Variants in ABCC1 observed in about 807,000 individuals in gnomAD.
ABCC1 encodes ATP binding cassette subfamily C member 1 (ABCC1 blood group), also known as multidrug resistance-associated protein 1.
ABCC1 carries 83 observed loss-of-function variants against 172.9 expected under a neutral mutation model. The observed-to-expected ratio is 0.48, with a 90% CI of 0.40 to 0.58. ABCC1 has a LOEUF of 0.58. Ranked by LOEUF, ABCC1 falls within the 20% of genes least tolerant of loss-of-function variation. The pLI, the probability that ABCC1 is intolerant of heterozygous loss-of-function variation, is 0.00. For missense variants in ABCC1, 1,817 were observed against 2,002.7 expected, an observed-to-expected ratio of 0.91 and a Z score of 1.77; for synonymous variants, 937 against 825.2, an observed-to-expected ratio of 1.14 and a Z score of -2.32.
intron 1 of ABCC1, among the ~76,000 whole-genome samples, chr16:15,975,181 G>A (rs746115331): frequency 2.0e-5 from 3 of 152,270 alleles, no homozygotes; most frequent in Admixed American, 6.5e-5. Context: ...AAAAATCCTC[G>A]CCCAAGAATG....
At chr16:16,076,169 C>T in intron 14 of ABCC1, 157 bp from the exon 15 acceptor site, 1 of 693,772 alleles carries the variant, frequency 1.4e-6, no homozygotes, top group South Asian at 1.9e-5. Flanking sequence ...TGAGTTTCTT[C>T]TTTCAGAACC....
chr16:16,079,603 T>A, intron 16 of ABCC1, 125 bp downstream of exon 16: 1 of 1,215,806 alleles, frequency 8.2e-7, no homozygotes, highest in Non-Finnish European at 1.1e-6. Flanking sequence ...TCTCTTTTCC[T>A]CCTCCTCCTG....
chr16:16,129,529 G>T (rs1015428223), intron 26 of ABCC1, among the ~76,000 whole-genome samples: 32 of 144,932 alleles, frequency 2.2e-4, no homozygotes, highest in African/African-American at 6.4e-4. Flanking sequence ...TGGTGGTGGG[G>T]TTTTTTTTTG....
intron 18 of ABCC1, among the ~76,000 whole-genome samples, chr16:16,087,978 T>C (rs902527277): frequency 6.6e-6 from 1 of 152,182 alleles, no homozygotes; most frequent in Non-Finnish European, 1.5e-5. Context: ...TTGTAATCGT[T>C]CCCATACATA....
At chr16:16,013,106 C>T (rs1006728101) in intron 3 of ABCC1, among the ~76,000 whole-genome samples, 6 of 152,118 alleles carry the variant, frequency 3.9e-5, no homozygotes, top group Non-Finnish European at 8.8e-5. Context: ...AAGAGGTGAA[C>T]TGGCCTGTGA....
intron 23 of ABCC1, among the ~76,000 whole-genome samples, chr16:16,115,777 T>C (rs949699849): frequency 2.6e-5 from 4 of 152,178 alleles, no homozygotes; most frequent in Non-Finnish European, 5.9e-5. Context: ...TAATAGAAAT[T>C]TAGAGGTAGG....
At chr16:16,051,124 A>C (rs1441353919) in intron 10 of ABCC1, among the ~76,000 whole-genome samples, 1 of 151,202 alleles carries the variant, frequency 6.6e-6, no homozygotes, top group Admixed American at 6.6e-5. Flanking sequence ...GGGGCCAGAC[A>C]GTTCTTTGTT....
At position 16,142,743 on chromosome 16, in the gene ABCC1, CTG is replaced by C. The variant is rs2046172182; in HGVS notation, c.*1466_*1467del. 6.6e-6 allele frequency: 1 copy of C among 152,192 alleles called. No individual in the cohort carries two copies. Among genetic ancestry groups the C allele is most frequent in the African/African-American group, 2.4e-5 (1 of 41,422 alleles). 9.4% of individuals were successfully genotyped at this position (152,192 alleles called of 1,614,324 possible). On this transcript the variant is annotated 3_prime_UTR_variant, in exon 31 of 31. Coordinates refer to ENST00000399410, the MANE Select transcript of ABCC1 (RefSeq NM_004996.4). The stretch of plus-strand genomic sequence containing the variant: ...CCTGTGTTTGAAACCGTGTTGGTCT[CTG>C]TGTTCCTGGAAGAAAACAGGGAAGC...
chr16:15,968,260 C>T (rs1191098342), intron 1 of ABCC1, among the ~76,000 whole-genome samples: 2 of 151,706 alleles, frequency 1.3e-5, no homozygotes, highest in Non-Finnish European at 1.5e-5. Context: ...TCTCGAATTC[C>T]TGACCTCAGG....
chr16:16,012,415 G>A (rs1400995925), intron 3 of ABCC1, among the ~76,000 whole-genome samples: 1 of 152,082 alleles, frequency 6.6e-6, no homozygotes, highest in Non-Finnish European at 1.5e-5. Context: ...GAATGAGAGA[G>A]TAAAGGGCTT....
At chr16:15,952,698 G>T (rs56082446) in intron 1 of ABCC1, among the ~76,000 whole-genome samples, 10 of 135,518 alleles carry the variant, frequency 7.4e-5, no homozygotes, top group Non-Finnish European at 1.4e-4. Context: ...ATGGGCCTGG[G>T]ACTTTTTGTG....
chr16:15,985,964 A>G (rs1396351463), intron 1 of ABCC1, among the ~76,000 whole-genome samples: 1 of 150,110 alleles, frequency 6.7e-6, no homozygotes, highest in Non-Finnish European at 1.5e-5. Context: ...TGTGTTGTCA[A>G]ATCTCCTTTA....
chr16:16,073,962 AACGTTTGAC>A (rs770938216), intron 14 of ABCC1, among the ~76,000 whole-genome samples: 25 of 152,318 alleles, frequency 1.6e-4, no homozygotes, highest in Non-Finnish European at 2.9e-4. Context: ...TGGCACCTAA[AACGTTTGAC>A]ACGTTTGACA....
Position 16,138,553 on chromosome 16 carries a change from C to T in ABCC1, c.4482C>T (p.Tyr1494=), listed in dbSNP as rs943354259. The T allele has an allele frequency of 1.9e-6, 3 of 1,582,674 alleles. No individual in the cohort carries two copies. The highest frequency in any genetic ancestry group is 1.7e-4 in the Middle Eastern group (1 of 5,866). ...ACCGGCTCAACACCATCATGGACTA[C>T]ACAAGGTGATGCCACTGGCACAGTG... ...IAHRLNTIMD[Y]TRVIVLDKGE... is the part of the protein sequence containing the mutation. The change falls in exon 30 of 31, where the codon TAC becomes TAT. Residue 1494 remains tyrosine (Y), a synonymous_variant. Coordinates refer to ENST00000399410, the MANE Select transcript of ABCC1 (RefSeq NM_004996.4).
Position 16,026,662 on chromosome 16 carries a change from T to C in ABCC1, c.616-6447T>C, listed in dbSNP as rs1402955599. On this transcript the variant is annotated intron_variant, in intron 5 of 30. Transcript: ENST00000399410. Reference sequence around the variant, plus strand: ...TGGGCGCGGTGGGTCATGCCTGTAATCCCAGCGCTTTGTGAGGCCGAGATA... The same window carrying C: ...TGGGCGCGGTGGGTCATGCCTGTAACCCCAGCGCTTTGTGAGGCCGAGATA... Among the ~76,000 whole-genome samples, 6 of 151,746 alleles carry C rather than the reference T, an allele frequency of 4.0e-5. No homozygotes were observed. In the East Asian group the frequency reaches 1.2e-3, roughly 30 times the overall value.
intron 7 of ABCC1, among the ~76,000 whole-genome samples, chr16:16,036,843 C>T (rs2048777473): frequency 1.3e-5 from 2 of 152,150 alleles, no homozygotes; most frequent in South Asian, 2.1e-4. Flanking sequence ...CGGTGGCTCT[C>T]GTGTCTAATC....
intron 1 of ABCC1, among the ~76,000 whole-genome samples, chr16:15,972,267 A>C (rs957884727): frequency 6.6e-6 from 1 of 152,084 alleles, no homozygotes; most frequent in Admixed American, 6.6e-5. Flanking sequence ...AGTCTTCAGG[A>C]TTTTGACATC....
chr16:15,985,984 T>A (rs79682815), intron 1 of ABCC1, among the ~76,000 whole-genome samples: 1 of 151,796 alleles, frequency 6.6e-6, no homozygotes, highest in African/African-American at 2.4e-5. Context: ...ACTTTTTTTT[T>A]ATTTTTGAGA....
chr16:16,129,228 C>G (rs945316094), intron 26 of ABCC1, among the ~76,000 whole-genome samples: 2 of 152,184 alleles, frequency 1.3e-5, no homozygotes, highest in African/African-American at 2.4e-5. Context: ...CCATGAGGCA[C>G]CTTTGCATCT....
Sources: gnomAD v4.1 joint callset for allele counts (sites outside exome capture counted in the v4.1 genomes callset) on GRCh38, gnomAD v4.1.1 for gene constraint, MANE v1.5 for transcripts, NCBI Gene and HGNC (gene_info 2026-07-23, HGNC 2026-07-21) for gene names.